ENTREP2: variants seen among roughly 807,000 people sequenced by gnomAD.
ENTREP2 encodes endosomal transmembrane epsin interactor 2.
the ENTREP2 span, among the ~76,000 whole-genome samples, chr15:29,382,095 C>T: frequency 6.6e-6 from 1 of 152,038 alleles, no homozygotes; most frequent in Non-Finnish European, 1.5e-5. Context: ...TGAAACACCC[C>T]ACCCTGGTCC....
chr15:29,218,289 G>A, the ENTREP2 span, among the ~76,000 whole-genome samples: 10,326 of 152,152 alleles, frequency 0.068, 1,219 homozygotes, highest in African/African-American at 0.24. Context: ...AGGAACCTAC[G>A]GTGGGCAGGG....
the ENTREP2 span, among the ~76,000 whole-genome samples, chr15:29,326,445 A>G: frequency 6.6e-3 from 1,009 of 152,290 alleles, 9 homozygotes; most frequent in African/African-American, 0.023. Context: ...TTGGAATTTG[A>G]AATTTAAAAT....
At chr15:29,543,022 G>T in the ENTREP2 span, among the ~76,000 whole-genome samples, 1 of 152,192 alleles carries the variant, frequency 6.6e-6, no homozygotes, top group South Asian at 2.1e-4. Flanking sequence ...TTTGGTTGAT[G>T]CTGTTATGAA....
At chr15:29,357,089 T>C in the ENTREP2 span, among the ~76,000 whole-genome samples, 3 of 152,136 alleles carry the variant, frequency 2.0e-5, no homozygotes, top group Non-Finnish European at 2.9e-5. Flanking sequence ...CTGCAGGTCA[T>C]GGTAAAAAAC....
At chr15:29,117,913 C>CTCTT in the ENTREP2 span, 1 of 133,958 alleles carries the variant, frequency 7.5e-6, no homozygotes, top group African/African-American at 2.8e-5. Context: ...TGTCTGCCCC[C>CTCTT]TCTTTAAAAT....
At chr15:29,467,912 C>T in the ENTREP2 span, among the ~76,000 whole-genome samples, 1 of 152,110 alleles carries the variant, frequency 6.6e-6, no homozygotes, top group African/African-American at 2.4e-5. Context: ...AGCCACCCAG[C>T]AATCATGGCT....
At chr15:29,339,201 C>A in the ENTREP2 span, among the ~76,000 whole-genome samples, 2 of 152,262 alleles carry the variant, frequency 1.3e-5, no homozygotes, top group African/African-American at 2.4e-5. Context: ...GCGGCCCACC[C>A]CTCCATTCGG....
chr15:29,408,453 C>A, the ENTREP2 span, among the ~76,000 whole-genome samples: 1 of 152,062 alleles, frequency 6.6e-6, no homozygotes, highest in Non-Finnish European at 1.5e-5. Flanking sequence ...GATGCCGGTT[C>A]CTGATGGGGA....
the ENTREP2 span, among the ~76,000 whole-genome samples, chr15:29,314,633 T>G: frequency 6.6e-6 from 1 of 152,242 alleles, no homozygotes; most frequent in African/African-American, 2.4e-5. Flanking sequence ...AAAAAATTGG[T>G]GACTTGCTTT....
chr15:29,637,190 T>A, the ENTREP2 span, among the ~76,000 whole-genome samples: 9,420 of 152,236 alleles, frequency 0.062, 1,032 homozygotes, highest in African/African-American at 0.21. Context: ...AAAATATTTG[T>A]CCTTGAGAAA....
the ENTREP2 span, among the ~76,000 whole-genome samples, chr15:29,433,624 T>C: frequency 6.6e-6 from 1 of 152,034 alleles, no homozygotes; most frequent in African/African-American, 2.4e-5. Context: ...CTAGAGAGAA[T>C]CCCCATAATA....
At chr15:29,279,522 A>C in the ENTREP2 span, among the ~76,000 whole-genome samples, 32 of 151,606 alleles carry the variant, frequency 2.1e-4, no homozygotes, top group East Asian at 4.7e-3. Flanking sequence ...ACGCCACCAC[A>C]CTCAGCTAAT....
the ENTREP2 span, among the ~76,000 whole-genome samples, chr15:29,354,482 C>T: frequency 1.3e-5 from 2 of 152,292 alleles, no homozygotes; most frequent in East Asian, 3.9e-4. Context: ...TATGTGTACA[C>T]ACATTCACAG....
chr15:29,586,865 CAT>C, the ENTREP2 span, among the ~76,000 whole-genome samples: 2 of 152,018 alleles, frequency 1.3e-5, no homozygotes, highest in Non-Finnish European at 2.9e-5. Context: ...ATGGGGAAAA[CAT>C]ATGTAAAACT....
the ENTREP2 span, among the ~76,000 whole-genome samples, chr15:29,181,049 G>A: frequency 1.3e-5 from 2 of 151,404 alleles, no homozygotes; most frequent in Non-Finnish European, 2.9e-5. Context: ...ACAAAAATAG[G>A]CAAGTCTCTG....
chr15:29,330,945 C>T, the ENTREP2 span, among the ~76,000 whole-genome samples: 1 of 152,144 alleles, frequency 6.6e-6, no homozygotes, highest in African/African-American at 2.4e-5. Context: ...GCCAACCACA[C>T]CCCACCCCAC....
At chr15:29,410,472 G>C in the ENTREP2 span, among the ~76,000 whole-genome samples, 1 of 151,890 alleles carries the variant, frequency 6.6e-6, no homozygotes, top group East Asian at 2.0e-4. Context: ...GACGGGTCTC[G>C]GGGAGGCAAG....
the ENTREP2 span, among the ~76,000 whole-genome samples, chr15:29,183,209 G>A: frequency 6.6e-6 from 1 of 152,184 alleles, no homozygotes; most frequent in African/African-American, 2.4e-5. Flanking sequence ...ATGACAAAGG[G>A]AAATCGTTTA....
chr15:29,193,197 C>A, the ENTREP2 span, among the ~76,000 whole-genome samples: 1 of 152,052 alleles, frequency 6.6e-6, no homozygotes, highest in East Asian at 1.9e-4. Context: ...GAAGGATACT[C>A]GAGAACTGGC....
Sources: allele counts gnomAD v4.1 joint callset (sites outside exome capture counted in the v4.1 genomes callset), GRCh38; gene constraint gnomAD v4.1.1; transcripts MANE v1.5; gene names NCBI Gene and HGNC (gene_info 2026-07-23, HGNC 2026-07-21).